KALRN: variants seen among roughly 807,000 people sequenced by gnomAD.
KALRN encodes the protein kalirin RhoGEF kinase, also known as kalirin.
A neutral mutation model predicts 353.7 loss-of-function variants in KALRN; 70 were observed. That is an observed-to-expected ratio of 0.20 (90% confidence interval 0.16 to 0.24). The LOEUF is 0.24. KALRN is among the 10% of genes least tolerant of loss of function. The pLI, the probability that KALRN is intolerant of heterozygous loss-of-function variation, is 1.00. For missense variants in KALRN, 2,791 were observed against 3,756.7 expected (o/e 0.74, Z 6.72); for synonymous variants, 1,391 against 1,434.8 (o/e 0.97, Z 0.69).
chr3:124,515,073 T>C (rs2066380546), intron 33 of KALRN, among the ~76,000 whole-genome samples: 1 of 152,232 alleles, frequency 6.6e-6, no homozygotes, highest in Admixed American at 6.5e-5. Flanking sequence ...TGAAAATCTA[T>C]TGCAAAATAA....
chr3:124,054,439 C>T (rs1479010898), intron 1 of KALRN, among the ~76,000 whole-genome samples: 1 of 151,322 alleles, frequency 6.6e-6, no homozygotes, highest in Non-Finnish European at 1.5e-5. Flanking sequence ...TAAATACCCT[C>T]CTTCCCTACC....
At chr3:124,106,383 C>T (rs940575598) in intron 1 of KALRN, among the ~76,000 whole-genome samples, 4 of 152,118 alleles carry the variant, frequency 2.6e-5, no homozygotes, top group African/African-American at 4.8e-5. Context: ...TTCAAACCTC[C>T]GATGACCCTG....
At chr3:124,120,736 A>ATATATATG (rs1189649966) in intron 1 of KALRN, among the ~76,000 whole-genome samples, 1 of 144,390 alleles carries the variant, frequency 6.9e-6, no homozygotes, top group African/African-American at 2.6e-5. Flanking sequence ...ATATATATAT[A>ATATATATG]TATATATATT....
At chr3:124,062,731 A>G (rs1373653128) in intron 1 of KALRN, among the ~76,000 whole-genome samples, 1 of 152,192 alleles carries the variant, frequency 6.6e-6, no homozygotes, top group Non-Finnish European at 1.5e-5. Flanking sequence ...AAAGGAGAAT[A>G]CTGTGAAAGG....
intron 33 of KALRN, among the ~76,000 whole-genome samples, chr3:124,561,210 G>A (rs927332446): frequency 2.0e-5 from 3 of 152,194 alleles, no homozygotes; most frequent in African/African-American, 7.2e-5. Flanking sequence ...TTTTAAGGAG[G>A]ATAGCACCAG....
rs1012180205 is a variant in KALRN, at chr3:124,583,878, G to A, written c.5182+20789G>A. On this transcript the variant is annotated intron_variant, in intron 34 of 59. Coordinates refer to ENST00000682506, the MANE Select transcript of KALRN (RefSeq NM_001388419.1). ...ATAGATATTTTTAAATTCTACCATCGGCTGTATGTGGTGGCTCACATCTCT... is the reference window on the plus strand; with the variant it reads ...ATAGATATTTTTAAATTCTACCATCAGCTGTATGTGGTGGCTCACATCTCT... Among the ~76,000 whole-genome samples, 4 of 152,034 alleles carry A rather than the reference G, an allele frequency of 2.6e-5. No homozygotes were observed. In the East Asian group the frequency reaches 7.7e-4, roughly 29 times the overall value.
intron 38 of KALRN, among the ~76,000 whole-genome samples, chr3:124,651,783 G>A (rs1202139387): frequency 6.6e-6 from 1 of 151,730 alleles, no homozygotes; most frequent in Non-Finnish European, 1.5e-5. Context: ...GACTACAGGT[G>A]TGCGCCACCA....
At chr3:124,605,102 G>T (rs1000313292) in intron 34 of KALRN, among the ~76,000 whole-genome samples, 1 of 151,928 alleles carries the variant, frequency 6.6e-6, no homozygotes, top group Non-Finnish European at 1.5e-5. Flanking sequence ...GGCGAAAGTT[G>T]AAGTGAGCTG....
At chr3:124,575,588 A>G (rs1056369981) in intron 34 of KALRN, among the ~76,000 whole-genome samples, 9 of 152,234 alleles carry the variant, frequency 5.9e-5, no homozygotes, top group Non-Finnish European at 1.2e-4. Context: ...GAAATGCAAC[A>G]TGAGTCCCCA....
At chr3:124,612,636 C>T (rs1420789688) in intron 34 of KALRN, among the ~76,000 whole-genome samples, 2 of 152,064 alleles carry the variant, frequency 1.3e-5, no homozygotes, top group Non-Finnish European at 2.9e-5. Context: ...CGAGCCCAGC[C>T]GTCAGTTTAA....
chr3:124,384,618 C>T, intron 10 of KALRN: 1 of 446,866 alleles, frequency 2.2e-6, no homozygotes, highest in Non-Finnish European at 4.0e-6. Flanking sequence ...GACACTGCAC[C>T]TCTGAGAAAT....
chr3:124,044,887 TTC>T (rs2040322546), intron 1 of KALRN, among the ~76,000 whole-genome samples: 1 of 26,366 alleles, frequency 3.8e-5, no homozygotes, highest in African/African-American at 7.1e-5. Flanking sequence ...CCTTCCTTCC[TTC>T]CTTCCTTCCT....
intron 1 of KALRN, among the ~76,000 whole-genome samples, chr3:124,225,353 A>G (rs2148461840): frequency 6.6e-6 from 1 of 152,376 alleles, no homozygotes; most frequent in East Asian, 1.9e-4. Context: ...AAATCCTTTT[A>G]TAATGTGAAA....
intron 38 of KALRN, among the ~76,000 whole-genome samples, chr3:124,653,196 G>A (rs1559774709): frequency 6.6e-6 from 1 of 152,212 alleles, no homozygotes; most frequent in African/African-American, 2.4e-5. Context: ...GAGGGGTGTA[G>A]CGAACCAAGA....
rs554813144 is a variant in KALRN, at chr3:124,385,123, G to A, written c.1962+87G>A. On this transcript the variant is annotated intron_variant, in intron 11 of 59. Transcript: ENST00000682506. ...AAAATGGCCCTGAAGGTCTGACCAG[G>A]GTCCTGGGTAGTCTGGGGGTTACTA... 3.4e-6 allele frequency: 4 copies of A among 1,167,630 alleles called. No individual in the cohort carries two copies. The South Asian group carries it at 5.4e-5, about 16-fold the overall frequency. The allele number at this position is 1,167,630 out of a possible 1,614,324, so 72.3% of individuals were successfully genotyped here. A position where few individuals can be genotyped will look rare whatever the true frequency, so the allele number is the denominator to read the frequency against.
intron 38 of KALRN, among the ~76,000 whole-genome samples, chr3:124,651,788 C>G (rs13067746): frequency 0.11 from 17,186 of 151,950 alleles, 1,053 homozygotes; most frequent in African/African-American, 0.13. Context: ...CAGGTGTGCG[C>G]CACCATGCCT....
At chr3:124,478,894 CCACACAACACAAA>C (rs1216747761) in intron 27 of KALRN, among the ~76,000 whole-genome samples, 1 of 152,186 alleles carries the variant, frequency 6.6e-6, no homozygotes. Flanking sequence ...TGTGTCCTCT[CCACACAACACAAA>C]CACACAAACA....
chr3:124,073,771 T>C (rs1445417802), intron 1 of KALRN, among the ~76,000 whole-genome samples: 1 of 152,150 alleles, frequency 6.6e-6, no homozygotes, highest in Non-Finnish European at 1.5e-5. Context: ...GATCTCTGAG[T>C]TCACTCAACT....
At chr3:124,331,400 A>G (rs2149442869) in intron 8 of KALRN, among the ~76,000 whole-genome samples, 1 of 152,334 alleles carries the variant, frequency 6.6e-6, no homozygotes, top group African/African-American at 2.4e-5. Context: ...GTGGGAGCTA[A>G]CCAAACACCA....
Sources: allele counts gnomAD v4.1 joint callset (sites outside exome capture counted in the v4.1 genomes callset), GRCh38; gene constraint gnomAD v4.1.1; transcripts MANE v1.5; gene names NCBI Gene and HGNC (gene_info 2026-07-23, HGNC 2026-07-21).